Variants in CPS1 observed in about 807,000 individuals in gnomAD.
CPS1 encodes the protein carbamoyl-phosphate synthase 1, also known as carbamoyl-phosphate synthase [ammonia], mitochondrial.
In CPS1, 109 loss-of-function variants were observed where a neutral mutation model predicts 174.6. The ratio of observed to expected loss-of-function variants is 0.62; its 90% CI spans 0.53 to 0.73. CPS1 has a LOEUF of 0.73. CPS1 is among the 30% of genes least tolerant of loss of function. The pLI is 0.00. For synonymous variants in CPS1, 637 were observed against 632.0 expected, an observed-to-expected ratio of 1.01 and a Z score of -0.12; for missense variants, 1,689 against 1,821.9, an observed-to-expected ratio of 0.93 and a Z score of 1.33.
chr2:210,612,007 A>AT (rs1699141918), intron 19 of CPS1, 110 bp from the exon 20 acceptor site: 2 of 975,708 alleles, frequency 2.0e-6, no homozygotes, highest in South Asian at 1.5e-5. Context: ...TTTATGATAT[A>AT]TTTTTTGTTC....
intron 1 of CPS1, among the ~76,000 whole-genome samples, chr2:210,564,279 T>A (rs954720326): frequency 2.6e-5 from 4 of 152,026 alleles, no homozygotes; most frequent in African/African-American, 9.7e-5. Context: ...TAACCCCCCC[T>A]CACAAAAATG....
chr2:210,618,248 A>C (rs540396136), intron 21 of CPS1: 2 of 152,104 alleles, frequency 1.3e-5, no homozygotes, highest in South Asian at 4.1e-4. Flanking sequence ...TTCAATCTCC[A>C]TTTTCTGGCA....
At chr2:210,640,825 C>A (rs1361360494) in intron 24 of CPS1, among the ~76,000 whole-genome samples, 1 of 152,118 alleles carries the variant, frequency 6.6e-6, no homozygotes, top group African/African-American at 2.4e-5. Context: ...AATCTTTGGA[C>A]AAATCTTGAA....
chr2:210,671,311 C>T (rs1206548960), intron 34 of CPS1, among the ~76,000 whole-genome samples: 1 of 152,100 alleles, frequency 6.6e-6, no homozygotes, highest in East Asian at 1.9e-4. Flanking sequence ...CATGAATAAC[C>T]TTTTATCTTT....
At chr2:210,504,790 A>G (rs1353009225) in intron 1 of CPS1, among the ~76,000 whole-genome samples, 1 of 152,234 alleles carries the variant, frequency 6.6e-6, no homozygotes, top group Non-Finnish European at 1.5e-5. Flanking sequence ...ACATTGTGGC[A>G]TACCCACTTC....
chr2:210,546,468 G>T (rs1559070225), intron 1 of CPS1, among the ~76,000 whole-genome samples: 1 of 152,056 alleles, frequency 6.6e-6, no homozygotes, highest in South Asian at 2.1e-4. Flanking sequence ...ATAAGAGTAC[G>T]TGGACAGTAT....
chr2:210,602,254 G>C lies in CPS1; in HGVS notation c.1760G>C (p.Arg587Pro). 1 of 1,612,480 alleles carries C rather than the reference G, an allele frequency of 6.2e-7. No individual in the cohort carries two copies. ...ADTIGYPVMIRSAYALGGLGS... is the reference protein window; with the variant it reads ...ADTIGYPVMIPSAYALGGLGS... Reference sequence around the variant, plus strand: ...ACCATTGGCTACCCAGTGATGATCCGTTCCGCCTATGCACTGGGTGGGTTA... The same window carrying C: ...ACCATTGGCTACCCAGTGATGATCCCTTCCGCCTATGCACTGGGTGGGTTA... The change falls in exon 16 of 38, where the codon CGT (arginine) becomes CCT (proline). Residue 587 changes from arginine to proline, a missense_variant. Coordinates refer to ENST00000233072, the MANE Select transcript of CPS1 (RefSeq NM_001875.5).
At chr2:210,617,856 T>C (rs988531384) in intron 21 of CPS1, 1 of 152,076 alleles carries the variant, frequency 6.6e-6, no homozygotes, top group Non-Finnish European at 1.5e-5. Context: ...AAAATTATAG[T>C]CTGTTCTACT....
chr2:210,564,878 T>C (rs1385432087), intron 1 of CPS1, among the ~76,000 whole-genome samples: 1 of 151,808 alleles, frequency 6.6e-6, no homozygotes, highest in East Asian at 2.0e-4. Flanking sequence ...GCCTGTAATC[T>C]CAGCTACTCG....
intron 33 of CPS1, among the ~76,000 whole-genome samples, chr2:210,663,832 A>C (rs1375392179): frequency 6.6e-6 from 1 of 152,102 alleles, no homozygotes; most frequent in African/African-American, 2.4e-5. Context: ...CAGTGTCAGG[A>C]CATTTTATGA....
intron 19 of CPS1, among the ~76,000 whole-genome samples, chr2:210,611,284 G>A (rs1294242239): frequency 6.6e-6 from 1 of 151,946 alleles, no homozygotes; most frequent in Non-Finnish European, 1.5e-5. Flanking sequence ...GTGGTAATTT[G>A]AGTCTATTTG....
intron 1 of CPS1, among the ~76,000 whole-genome samples, chr2:210,557,871 G>A (rs1476224097): frequency 1.3e-5 from 2 of 152,020 alleles, no homozygotes; most frequent in Non-Finnish European, 1.5e-5. Context: ...GCTCAAGTCA[G>A]GATTCAGTGG....
chr2:210,640,663 A>G (rs1186164367), intron 24 of CPS1, among the ~76,000 whole-genome samples: 1 of 152,238 alleles, frequency 6.6e-6, no homozygotes, highest in Non-Finnish European at 1.5e-5. Flanking sequence ...TAGTCAACAT[A>G]TGGATTTAAT....
intron 1 of CPS1, among the ~76,000 whole-genome samples, chr2:210,532,508 T>C (rs1696142128): frequency 6.6e-6 from 1 of 152,180 alleles, no homozygotes; most frequent in South Asian, 2.1e-4. Flanking sequence ...CTCTTAGGAC[T>C]AGGGTAATGA....
chr2:210,658,632 T>C lies in CPS1; in HGVS notation c.3700T>C (p.Phe1234Leu). The C allele has an allele frequency of 6.2e-7, 1 of 1,614,132 alleles. No homozygotes were observed. The highest frequency in any genetic ancestry group is 8.5e-7 in the Non-Finnish European group (1 of 1,179,968). ...KDATRKIAKA[F>L]AISGPFNVQF... Reference sequence around the variant, plus strand: ...TGCTACCCGGAAGATTGCAAAGGCTTTTGCCATCTCTGGTCCATTCAACGT... The same window carrying C: ...TGCTACCCGGAAGATTGCAAAGGCTCTTGCCATCTCTGGTCCATTCAACGT... Residue 1234 changes from phenylalanine (F) to leucine (L), a missense_variant, in exon 31 of 38, where the codon TTT becomes CTT. Coordinates refer to ENST00000233072, the MANE Select transcript of CPS1 (RefSeq NM_001875.5).
At chr2:210,481,294 C>T (rs955716431) in intron 1 of CPS1, among the ~76,000 whole-genome samples, 4 of 152,194 alleles carry the variant, frequency 2.6e-5, no homozygotes, top group Non-Finnish European at 4.4e-5. Flanking sequence ...GAGACTTCCC[C>T]CTTTGCTGTT....
intron 1 of CPS1, among the ~76,000 whole-genome samples, chr2:210,497,908 A>ATATATATATATATATC (rs1695038251): frequency 7.2e-6 from 1 of 138,850 alleles, no homozygotes; most frequent in Admixed American, 7.2e-5. Flanking sequence ...ATATATATAT[A>ATATATATATATATATC]TATATATATA....
chr2:210,547,757 A>C (rs1295017587), intron 1 of CPS1, among the ~76,000 whole-genome samples: 1 of 152,024 alleles, frequency 6.6e-6, no homozygotes, highest in Non-Finnish European at 1.5e-5. Flanking sequence ...CATTTATTTA[A>C]AGGTTTATTA....
intron 6 of CPS1, 117 bp downstream of exon 6, chr2:210,582,826 T>C: frequency 1.2e-6 from 1 of 807,482 alleles, no homozygotes; most frequent in South Asian, 1.5e-5. Context: ...TGTTCAGGGG[T>C]AGAAAGGGAT....
Sources: gnomAD v4.1 joint callset for allele counts (sites outside exome capture counted in the v4.1 genomes callset) on GRCh38, gnomAD v4.1.1 for gene constraint, MANE v1.5 for transcripts, NCBI Gene and HGNC (gene_info 2026-07-23, HGNC 2026-07-21) for gene names.